SPATA17: variants seen among roughly 807,000 people sequenced by gnomAD.
SPATA17 encodes spermatogenesis-associated protein 17.
SPATA17 carries 53 observed loss-of-function variants against 62.2 expected under a neutral mutation model. That is an observed-to-expected ratio of 0.85 (90% CI 0.68 to 1.07). The LOEUF (loss-of-function observed/expected upper bound fraction) is 1.07. Ranked by LOEUF, SPATA17 falls within the 50% of genes least tolerant of loss-of-function variation. The probability of loss-of-function intolerance (pLI) is 0.00; values close to 1 mark genes in which losing one functional copy is unlikely to be tolerated. For synonymous variants in SPATA17, 146 were observed against 146.8 expected (o/e 0.99, Z 0.04); for missense variants, 466 against 425.5 (o/e 1.10, Z -0.84).
chr1:217,804,072 C>T (rs2377702), intron 9 of SPATA17, among the ~76,000 whole-genome samples: 45,313 of 151,622 alleles, frequency 0.3, 8,064 homozygotes, highest in Non-Finnish European at 0.39. Flanking sequence ...AATTCCTGAA[C>T]CACAAAAGAC....
At chr1:217,763,641 A>G (rs957798213) in intron 6 of SPATA17, among the ~76,000 whole-genome samples, 4 of 152,258 alleles carry the variant, frequency 2.6e-5, no homozygotes, top group Non-Finnish European at 5.9e-5. Context: ...ACTTCCTTGC[A>G]GATGGGGGTA....
At chr1:217,775,016 G>A (rs570958086) in intron 7 of SPATA17, among the ~76,000 whole-genome samples, 11 of 152,190 alleles carry the variant, frequency 7.2e-5, no homozygotes, top group Non-Finnish European at 1.6e-4. Flanking sequence ...ATACTCAGAA[G>A]TGGAATTGCC....
At chr1:217,650,626 G>A (rs1670287734) in intron 2 of SPATA17, among the ~76,000 whole-genome samples, 1 of 152,036 alleles carries the variant, frequency 6.6e-6, no homozygotes, top group African/African-American at 2.4e-5. Flanking sequence ...GTTTCACCGT[G>A]TTGGCCAGGC....
intron 9 of SPATA17, among the ~76,000 whole-genome samples, chr1:217,815,882 T>A (rs1343143856): frequency 1.3e-5 from 2 of 152,184 alleles, no homozygotes; most frequent in Non-Finnish European, 2.9e-5. Context: ...AAATTCACCC[T>A]TCCCCCAACA....
intron 9 of SPATA17, among the ~76,000 whole-genome samples, chr1:217,806,656 T>C (rs1674442841): frequency 6.6e-6 from 1 of 152,228 alleles, no homozygotes; most frequent in Non-Finnish European, 1.5e-5. Context: ...TCCCATCATC[T>C]CTTTATCTAT....
Position 217,871,059 on chromosome 1 carries a change from T to C in SPATA17, c.*4040T>C, listed in dbSNP as rs1163459252. ...TTACTTTTAACTAGTCTCACTAATT[T>C]ATAGTTATATATGATGTAGATCTAG... is the stretch of plus-strand genomic sequence containing the variant. On this transcript the variant is annotated 3_prime_UTR_variant, in exon 11 of 11. Transcript: ENST00000366933. The C allele has an allele frequency of 2.0e-5, 3 of 152,226 alleles. No individual in the cohort carries two copies. The highest frequency in any genetic ancestry group is 4.4e-5 in the Non-Finnish European group (3 of 68,036). 9.4% of individuals were successfully genotyped at this position (152,226 alleles called of 1,614,324 possible).
At chr1:217,687,184 A>G (rs1485449156) in intron 5 of SPATA17, among the ~76,000 whole-genome samples, 1 of 152,180 alleles carries the variant, frequency 6.6e-6, no homozygotes, top group African/African-American at 2.4e-5. Context: ...TAAAACATTT[A>G]GTCTACGATT....
intron 9 of SPATA17, among the ~76,000 whole-genome samples, chr1:217,846,556 C>A (rs1675534249): frequency 6.6e-6 from 1 of 151,920 alleles, no homozygotes; most frequent in Admixed American, 6.6e-5. Context: ...CACTTTTAAC[C>A]TATCAAGCTT....
At chr1:217,696,263 C>T (rs932320030) in intron 5 of SPATA17, among the ~76,000 whole-genome samples, 6 of 152,126 alleles carry the variant, frequency 3.9e-5, no homozygotes, top group Non-Finnish European at 7.4e-5. Flanking sequence ...TTTCCAGGTG[C>T]GTCCGTCACC....
intron 6 of SPATA17, among the ~76,000 whole-genome samples, chr1:217,754,300 G>A (rs1302174943): frequency 6.6e-6 from 1 of 152,096 alleles, no homozygotes; most frequent in South Asian, 2.1e-4. Context: ...AATCAATTCT[G>A]TCATTTTCTT....
At chr1:217,738,500 C>T (rs1400306067) in intron 5 of SPATA17, among the ~76,000 whole-genome samples, 4 of 152,218 alleles carry the variant, frequency 2.6e-5, no homozygotes, top group Non-Finnish European at 5.9e-5. Context: ...ATTTTGAGTA[C>T]TTTACATTGA....
chr1:217,820,732 G>A (rs985325029), intron 9 of SPATA17, among the ~76,000 whole-genome samples: 1 of 151,958 alleles, frequency 6.6e-6, no homozygotes, highest in Admixed American at 6.6e-5. Context: ...TGGAACAACA[G>A]CCTTTACTAG....
At chr1:217,762,373 C>T (rs2102963925) in intron 6 of SPATA17, among the ~76,000 whole-genome samples, 1 of 152,298 alleles carries the variant, frequency 6.6e-6, no homozygotes, top group African/African-American at 2.4e-5. Context: ...ATTCCTCTTT[C>T]TACCTTCTCT....
intron 6 of SPATA17, among the ~76,000 whole-genome samples, chr1:217,743,276 C>T (rs6661564): frequency 0.46 from 69,643 of 151,700 alleles, 17,478 homozygotes; most frequent in Non-Finnish European, 0.58. Context: ...AATATTTTAA[C>T]TTTTCATTAT....
intron 1 of SPATA17, among the ~76,000 whole-genome samples, chr1:217,632,971 A>C (rs1180668733): frequency 6.6e-6 from 1 of 151,396 alleles, no homozygotes; most frequent in South Asian, 2.1e-4. Context: ...GCAGAGGCAG[A>C]TGGATCACTT....
chr1:217,634,447 G>A (rs1196995910), intron 1 of SPATA17, among the ~76,000 whole-genome samples: 2 of 152,044 alleles, frequency 1.3e-5, no homozygotes, highest in Non-Finnish European at 2.9e-5. Context: ...TGGGGTGGGG[G>A]CCACAAGGTC....
At chr1:217,769,669 G>C (rs1473271466) in intron 6 of SPATA17, among the ~76,000 whole-genome samples, 1 of 152,148 alleles carries the variant, frequency 6.6e-6, no homozygotes, top group Admixed American at 6.5e-5. Flanking sequence ...AAACAAAGAA[G>C]ACTAAAAGCA....
chr1:217,707,929 A>G (rs913616797), intron 5 of SPATA17, among the ~76,000 whole-genome samples: 1 of 152,228 alleles, frequency 6.6e-6, no homozygotes, highest in Non-Finnish European at 1.5e-5. Flanking sequence ...TTACATGGGA[A>G]TTAAACAACT....
intron 8 of SPATA17, among the ~76,000 whole-genome samples, chr1:217,783,407 T>G (rs1673780185): frequency 2.6e-5 from 4 of 152,012 alleles, no homozygotes; most frequent in Admixed American, 2.6e-4. Context: ...TAGCAATTAC[T>G]TGAAGTGAAA....
Sources: gnomAD v4.1 joint callset for allele counts (sites outside exome capture counted in the v4.1 genomes callset) on GRCh38, gnomAD v4.1.1 for gene constraint, MANE v1.5 for transcripts, NCBI Gene and HGNC (gene_info 2026-07-23, HGNC 2026-07-21) for gene names.